EVA1A: variants seen among roughly 807,000 people sequenced by gnomAD.
The protein encoded by EVA1A is protein eva-1 homolog A.
Under a neutral mutation model 9.8 loss-of-function variants are expected in EVA1A, and 7 were observed. That is an observed-to-expected ratio of 0.71 (90% CI 0.41 to 1.34). The LOEUF (loss-of-function observed/expected upper bound fraction) is 1.34. Ranked by LOEUF, EVA1A falls within the 40% of genes most tolerant of loss-of-function variation. The pLI is 0.01. For synonymous variants in EVA1A, 90 were observed against 85.6 expected (o/e 1.05, Z -0.28); for missense variants, 206 against 205.9 (o/e 1.00, Z 0.00).
chr2:75,497,042 G>C (rs997354665), intron 3 of EVA1A, among the ~76,000 whole-genome samples: 1 of 152,110 alleles, frequency 6.6e-6, no homozygotes, highest in Admixed American at 6.5e-5. Flanking sequence ...TAACTCAAGA[G>C]GGATTAAAGA....
At chr2:75,562,208 A>G (rs1035266711), upstream of EVA1A, among the ~76,000 whole-genome samples, 14 of 152,206 alleles carry the variant, frequency 9.2e-5, no homozygotes, top group African/African-American at 3.4e-4. Context: ...GACTGATTGT[A>G]TATTAGACTA....
chr2:75,507,954 A>T (rs1572952261), intron 3 of EVA1A, among the ~76,000 whole-genome samples: 1 of 152,338 alleles, frequency 6.6e-6, no homozygotes, highest in Non-Finnish European at 1.5e-5. Context: ...GACATTTATT[A>T]GTTCCCCAAA....
chr2:75,499,394 G>C (rs1674330396), intron 3 of EVA1A, among the ~76,000 whole-genome samples: 1 of 152,178 alleles, frequency 6.6e-6, no homozygotes, highest in South Asian at 2.1e-4. Flanking sequence ...CAGAATTGGA[G>C]AAAAGTCAGT....
intron 1 of EVA1A, among the ~76,000 whole-genome samples, chr2:75,551,287 C>T (rs1237286223): frequency 6.6e-6 from 1 of 152,162 alleles, no homozygotes; most frequent in African/African-American, 2.4e-5. Flanking sequence ...TGTCCACTTC[C>T]TCACCTCACA....
At chr2:75,519,504 T>A (rs1233000261) in intron 2 of EVA1A, among the ~76,000 whole-genome samples, 3 of 152,106 alleles carry the variant, frequency 2.0e-5, no homozygotes, top group Non-Finnish European at 4.4e-5. Context: ...GAAACAACCA[T>A]AAAGTCCTTG....
chr2:75,555,572 A>G lies in EVA1A; in HGVS notation c.-192+5108T>C, dbSNP rs1288780350. Among the ~76,000 whole-genome samples the G allele has an allele frequency of 4.6e-5, 7 of 152,104 alleles. 1 individual carries two copies. Among genetic ancestry groups the G allele is most frequent in the African/African-American group, 1.7e-4 (7 of 41,402 alleles). ...TGTGATTTCTTTGCTTACTAGAGAC[A>G]GTGTCTCTCCCTGACCCGTGGGCTC... is the stretch of plus-strand genomic sequence containing the variant. On this transcript the variant is annotated intron_variant, in intron 1 of 3. Transcript: ENST00000393913.
intron 1 of EVA1A, among the ~76,000 whole-genome samples, chr2:75,557,843 G>T (rs933379765): frequency 5.9e-5 from 9 of 152,236 alleles, no homozygotes; most frequent in African/African-American, 2.2e-4. Flanking sequence ...AAAAATAATG[G>T]CATAGTCTTA....
chr2:75,566,987 C>T (rs745980238), intron 1 of EVA1A, among the ~76,000 whole-genome samples: 1 of 152,036 alleles, frequency 6.6e-6, no homozygotes, highest in Non-Finnish European at 1.5e-5. Context: ...TCTTTCTAAC[C>T]AACAGGAAGC....
At chr2:75,555,336 T>TCTCTCTCTCTCTCTCTCTCTCTCTCTTC (rs766586263) in intron 1 of EVA1A, among the ~76,000 whole-genome samples, 1 of 102,744 alleles carries the variant, frequency 9.7e-6, no homozygotes, top group Non-Finnish European at 2.2e-5. Flanking sequence ...TCTCTCTCTC[T>TCTCTCTCTCTCTCTCTCTCTCTCTCTTC]CCCCCATCTC....
intron 1 of EVA1A, among the ~76,000 whole-genome samples, chr2:75,551,751 A>G (rs954185618): frequency 1.1e-4 from 17 of 152,372 alleles, no homozygotes; most frequent in African/African-American, 3.6e-4. Context: ...GGTTGTTGAG[A>G]GGATTAATAC....
chr2:75,521,613 A>G (rs1675231379), intron 2 of EVA1A, among the ~76,000 whole-genome samples: 1 of 152,248 alleles, frequency 6.6e-6, no homozygotes, highest in Non-Finnish European at 1.5e-5. Context: ...TGAAGCACCA[A>G]CAGTGGTCAT....
intron 2 of EVA1A, among the ~76,000 whole-genome samples, chr2:75,520,651 G>A (rs1211441761): frequency 6.6e-6 from 1 of 152,088 alleles, no homozygotes; most frequent in East Asian, 1.9e-4. Flanking sequence ...ACGTGCAAAA[G>A]GATGAAGTTG....
intron 2 of EVA1A, chr2:75,518,775 C>T (rs559078411): frequency 1.2e-4 from 120 of 986,158 alleles, no homozygotes; most frequent in South Asian, 1.1e-3. Context: ...TGTGCTTTCC[C>T]GGGAGCCTGC....
chr2:75,500,755 C>A lies in EVA1A; in HGVS notation c.86-7146G>T, dbSNP rs1225655895. ...CTCCCTCCCTCCCTCCCCTTTTCAA[C>A]CTTCCCCTTTCTGCCTGAGGCTCCC... On this transcript the variant is annotated intron_variant, in intron 3 of 3. Coordinates refer to ENST00000393913, the MANE Select transcript of EVA1A (RefSeq NM_001135032.2). Among the ~76,000 whole-genome samples, 3 of 140,096 alleles carry A rather than the reference C, an allele frequency of 2.1e-5. No individual in the cohort carries two copies. In the East Asian group the frequency reaches 7.7e-4, roughly 36 times the overall value. The allele number at this position is 140,096 out of a possible 152,430, so 91.9% of individuals were successfully genotyped here.
intron 1 of EVA1A, among the ~76,000 whole-genome samples, chr2:75,528,377 G>A (rs552824744): frequency 3.3e-5 from 5 of 152,138 alleles, no homozygotes; most frequent in Non-Finnish European, 7.4e-5. Context: ...TGTAGCCTGG[G>A]GCAAGATCTC....
At chr2:75,548,969 C>T (rs1676425345) in intron 1 of EVA1A, among the ~76,000 whole-genome samples, 1 of 145,232 alleles carries the variant, frequency 6.9e-6, no homozygotes, top group Non-Finnish European at 1.5e-5. Flanking sequence ...GAACTGATGA[C>T]TGGCTAAATG....
At chr2:75,547,981 G>A (rs1174803327) in intron 1 of EVA1A, among the ~76,000 whole-genome samples, 1 of 152,212 alleles carries the variant, frequency 6.6e-6, no homozygotes, top group African/African-American at 2.4e-5. Context: ...CAGACTGTAG[G>A]TCCACAAAGC....
chr2:75,568,987 G>A (rs903909591), intron 1 of EVA1A, among the ~76,000 whole-genome samples: 47 of 152,254 alleles, frequency 3.1e-4, no homozygotes, highest in African/African-American at 1.1e-3. Context: ...CCTTTGGGTA[G>A]ATAACCAGTA....
chr2:75,544,588 A>G (rs902030270), intron 1 of EVA1A, among the ~76,000 whole-genome samples: 1 of 152,156 alleles, frequency 6.6e-6, no homozygotes, highest in African/African-American at 2.4e-5. Flanking sequence ...GCTTTAAGTG[A>G]TTACTACAGA....
Sources: gnomAD v4.1 joint callset for allele counts (sites outside exome capture counted in the v4.1 genomes callset) on GRCh38, gnomAD v4.1.1 for gene constraint, MANE v1.5 for transcripts, NCBI Gene and HGNC (gene_info 2026-07-23, HGNC 2026-07-21) for gene names.